Variants in SLC28A1 observed in about 807,000 individuals in gnomAD.
SLC28A1 encodes sodium/nucleoside cotransporter 1.
In SLC28A1, 64 loss-of-function variants were observed where a neutral mutation model predicts 74.8. The observed-to-expected ratio is 0.86, with a 90% CI of 0.70 to 1.05. The LOEUF is 1.05. SLC28A1 is among the 50% of genes least tolerant of loss of function. The pLI is 0.00. For synonymous variants in SLC28A1, 359 were observed against 335.0 expected, an observed-to-expected ratio of 1.07 and a Z score of -0.78; for missense variants, 828 against 822.8, an observed-to-expected ratio of 1.01 and a Z score of -0.08.
intron 8 of SLC28A1, among the ~76,000 whole-genome samples, chr15:84,907,375 G>T (rs954714109): frequency 6.6e-6 from 1 of 152,126 alleles, no homozygotes; most frequent in African/African-American, 2.4e-5. Context: ...GGTAGAGATG[G>T]GGTTTTACCA....
intron 16 of SLC28A1, 76 bp from the exon 17 acceptor site, chr15:84,944,490 A>T: frequency 1.0e-6 from 1 of 955,268 alleles, no homozygotes; most frequent in East Asian, 2.5e-5. Flanking sequence ...AGGTCAGCAG[A>T]TGCAGCCCGA....
chr15:84,925,453 A>T (rs1970404701), intron 12 of SLC28A1, among the ~76,000 whole-genome samples: 1 of 152,130 alleles, frequency 6.6e-6, no homozygotes, highest in Admixed American at 6.6e-5. Context: ...ACAAAAAAAT[A>T]GCTGGCCGTG....
chr15:84,904,643 A>T (rs1463321818), intron 7 of SLC28A1, among the ~76,000 whole-genome samples: 1 of 152,200 alleles, frequency 6.6e-6, no homozygotes, highest in Non-Finnish European at 1.5e-5. Context: ...TCTGCTCCCC[A>T]GTCCAGCAAC....
intron 18 of SLC28A1, 24 bp from the exon 19 acceptor site, chr15:84,945,101 C>T (rs1389661211): frequency 6.8e-6 from 11 of 1,612,374 alleles, no homozygotes; most frequent in Non-Finnish European, 7.6e-6. Flanking sequence ...GGAGCTCCCA[C>T]TGCGATCTTT....
chr15:84,885,928 C>T (rs1291798359), intron 1 of SLC28A1, among the ~76,000 whole-genome samples: 4 of 152,100 alleles, frequency 2.6e-5, no homozygotes, highest in African/African-American at 9.7e-5. Flanking sequence ...AGGGGGTGTC[C>T]ATCCACCATC....
intron 12 of SLC28A1, among the ~76,000 whole-genome samples, chr15:84,924,486 TC>T (rs1366494509): frequency 6.6e-6 from 1 of 152,128 alleles, no homozygotes. Flanking sequence ...ACCTGGGCTG[TC>T]CCTAGAGATC....
chr15:84,894,438 C>G (rs1398243969), intron 5 of SLC28A1, among the ~76,000 whole-genome samples: 1 of 150,820 alleles, frequency 6.6e-6, no homozygotes, highest in African/African-American at 2.4e-5. Flanking sequence ...ATGTGTCTTT[C>G]CTGATGGACT....
chr15:84,907,496 T>TAGTTC, intron 8 of SLC28A1, among the ~76,000 whole-genome samples: 2 of 151,530 alleles, frequency 1.3e-5, no homozygotes, highest in South Asian at 4.2e-4. Context: ...TTTTTAATTT[T>TAGTTC]AGTTTAGTTT....
intron 6 of SLC28A1, chr15:84,895,576 A>G (rs1243716721): frequency 1.3e-6 from 2 of 1,526,142 alleles, no homozygotes; most frequent in South Asian, 1.2e-5. Flanking sequence ...ACAGTTTGAG[A>G]TCTGCTGCTT....
At chr15:84,906,786 A>G (rs1350861691) in intron 8 of SLC28A1, among the ~76,000 whole-genome samples, 1 of 152,046 alleles carries the variant, frequency 6.6e-6, no homozygotes, top group East Asian at 1.9e-4. Flanking sequence ...TATACATAAC[A>G]TAAAATCAAC....
At chr15:84,916,241 T>TG (rs1567155450) in intron 9 of SLC28A1, among the ~76,000 whole-genome samples, 2 of 52,418 alleles carry the variant, frequency 3.8e-5, no homozygotes, top group African/African-American at 8.5e-5. Context: ...CTGGGATTAC[T>TG]TTTTTTTTTT....
chr15:84,900,769 T>A (rs1474690338), intron 6 of SLC28A1, among the ~76,000 whole-genome samples: 1 of 150,868 alleles, frequency 6.6e-6, no homozygotes, highest in African/African-American at 2.4e-5. Context: ...AATATGCCTA[T>A]ATGTCACTGC....
At position 84,945,314 on chromosome 15, in the gene SLC28A1, C is replaced by T. The variant is rs2079164845; in HGVS notation, c.*114C>T. The T allele has an allele frequency of 2.2e-6, 2 of 905,330 alleles. No individual in the cohort carries two copies. Among genetic ancestry groups the T allele is most frequent in the Non-Finnish European group, 3.6e-6 (2 of 552,678 alleles). 56.1% of individuals were successfully genotyped at this position (905,330 alleles called of 1,614,324 possible). On this transcript the variant is annotated 3_prime_UTR_variant, in exon 19 of 19. Coordinates refer to ENST00000394573, the MANE Select transcript of SLC28A1 (RefSeq NM_004213.5). ...TTCAGGGAAGCCACAGGACTTAGAC[C>T]CAGCTCAATCCCACAATTGGGAAGG... is the stretch of plus-strand genomic sequence containing the variant.
chr15:84,966,365 C>G, the SLC28A1 span, among the ~76,000 whole-genome samples: 3,586 of 152,168 alleles, frequency 0.024, 155 homozygotes, highest in African/African-American at 0.082. Flanking sequence ...CTGTGCCCAG[C>G]TTATTTATTT....
Position 84,935,564 on chromosome 15 carries a change from C to T in SLC28A1, c.1581+46C>T, listed in dbSNP as rs756731578. ...CCTGCAGCAGGGGGATGACACGGCA[C>T]AGCCACTCCTCAGGGCCCCTGGCAG... On this transcript the variant is annotated intron_variant, in intron 15 of 18. Transcript: ENST00000394573. 4.6e-6 allele frequency: 7 copies of T among 1,535,050 alleles called. No individual in the cohort carries two copies. The African/African-American group carries it at 8.1e-5, about 18-fold the overall frequency.
At position 84,924,043 on chromosome 15, in the gene SLC28A1, A is replaced by G; in HGVS notation, c.1016A>G (p.His339Arg). 6.2e-7 allele frequency: 1 copy of G among 1,613,960 alleles called. No individual in the cohort carries two copies. The highest frequency in any genetic ancestry group is 8.5e-7 in the Non-Finnish European group (1 of 1,180,006). ...GCAGACATGACACTCTCTGAAGTCCACGTTGTCATGACCGGAGGTTACGCC... is the reference window on the plus strand; with the variant it reads ...GCAGACATGACACTCTCTGAAGTCCGCGTTGTCATGACCGGAGGTTACGCC... ...YLADMTLSEV[H>R]VVMTGGYATI... The change falls in exon 12 of 19, where the codon CAC becomes CGC. Residue 339 changes from histidine to arginine, a missense_variant. His to Arg is a conservative substitution (Grantham distance 29, BLOSUM62 0). Coordinates refer to ENST00000394573, the MANE Select transcript of SLC28A1 (RefSeq NM_004213.5).
downstream of SLC28A1, among the ~76,000 whole-genome samples, chr15:84,949,260 G>A (rs1489428064): frequency 6.6e-6 from 1 of 152,200 alleles, no homozygotes; most frequent in African/African-American, 2.4e-5. Context: ...CGAAGATGAA[G>A]CCAGAACACA....
intron 6 of SLC28A1, among the ~76,000 whole-genome samples, chr15:84,901,066 A>G (rs1966636436): frequency 6.6e-6 from 1 of 152,178 alleles, no homozygotes; most frequent in Admixed American, 6.5e-5. Context: ...TACTAAAAAT[A>G]CAAAAATTAG....
chr15:84,909,097 G>C (rs944454121), intron 9 of SLC28A1, among the ~76,000 whole-genome samples: 2 of 152,180 alleles, frequency 1.3e-5, no homozygotes, highest in Non-Finnish European at 2.9e-5. Flanking sequence ...AGGACAAGAA[G>C]TGGGGGTAGG....
Sources: gnomAD v4.1 joint callset for allele counts (sites outside exome capture counted in the v4.1 genomes callset) on GRCh38, gnomAD v4.1.1 for gene constraint, MANE v1.5 for transcripts, NCBI Gene and HGNC (gene_info 2026-07-23, HGNC 2026-07-21) for gene names.